KIF6: variants seen among roughly 807,000 people sequenced by gnomAD.
The protein encoded by KIF6 is kinesin-like protein KIF6.
Under a neutral mutation model 112.7 loss-of-function variants are expected in KIF6, and 106 were observed. The ratio of observed to expected loss-of-function variants is 0.94; its 90% confidence interval spans 0.80 to 1.11. The LOEUF is 1.11. KIF6 is among the 50% of genes least tolerant of loss of function. KIF6 has a pLI of 0.00. For missense variants in KIF6, 929 were observed against 964.0 expected, an observed-to-expected ratio of 0.96 and a Z score of 0.48; for synonymous variants, 339 against 339.9, an observed-to-expected ratio of 1.00 and a Z score of 0.03.
intron 6 of KIF6, among the ~76,000 whole-genome samples, chr6:39,599,709 AT>A (rs1782473934): frequency 6.6e-6 from 1 of 152,336 alleles, no homozygotes; most frequent in Admixed American, 6.5e-5. Flanking sequence ...TCGCACAACA[AT>A]AAATCCTACA....
intron 13 of KIF6, among the ~76,000 whole-genome samples, chr6:39,513,282 C>A (rs958375477): frequency 6.6e-6 from 1 of 152,152 alleles, no homozygotes; most frequent in African/African-American, 2.4e-5. Flanking sequence ...TCCTTTTCCT[C>A]CTCCCTAGTG....
chr6:39,494,082 T>C (rs1033260514), intron 13 of KIF6, among the ~76,000 whole-genome samples: 1 of 152,380 alleles, frequency 6.6e-6, no homozygotes. Flanking sequence ...CTTTAGGGAA[T>C]GCAAGTGTGG....
intron 3 of KIF6, among the ~76,000 whole-genome samples, chr6:39,712,078 A>G (rs1418619738): frequency 1.3e-5 from 2 of 152,174 alleles, no homozygotes; most frequent in African/African-American, 4.8e-5. Flanking sequence ...TAGGGAGTAT[A>G]ATAAAGAGGA....
intron 6 of KIF6, among the ~76,000 whole-genome samples, chr6:39,609,295 C>T (rs920974417): frequency 6.6e-6 from 1 of 152,158 alleles, no homozygotes; most frequent in Non-Finnish European, 1.5e-5. Flanking sequence ...CCCGGACTTT[C>T]CCAAAGTCGG....
At chr6:39,401,305 A>G (rs1447074117) in intron 15 of KIF6, among the ~76,000 whole-genome samples, 1 of 152,218 alleles carries the variant, frequency 6.6e-6, no homozygotes, top group African/African-American at 2.4e-5. Flanking sequence ...CATCTGAGTT[A>G]TCTCAGAGGT....
intron 13 of KIF6, among the ~76,000 whole-genome samples, chr6:39,478,811 G>C (rs1487453349): frequency 6.7e-6 from 1 of 150,374 alleles, no homozygotes; most frequent in Non-Finnish European, 1.5e-5. Context: ...GGAGTGAGTT[G>C]GTATTGCATT....
chr6:39,343,712 G>A lies in KIF6; in HGVS notation c.2425C>T (p.Gln809Ter). 6.2e-7 allele frequency: 1 copy of A among 1,605,528 alleles called. No individual in the cohort carries two copies. Among genetic ancestry groups the A allele is most frequent in the Non-Finnish European group, 8.5e-7 (1 of 1,176,006 alleles). The change falls in exon 22 of 23, where the codon CAA becomes TAA. Residue 809 changes from glutamine to a stop codon, truncating the protein, a stop_gained. Coordinates refer to ENST00000287152, the MANE Select transcript of KIF6 (RefSeq NM_145027.6). LOFTEE classifies it high-confidence loss of function. This position sits in a 1 kb window ranked among gnomAD's most constrained non-coding sequence, Gnocchi z 4.1. ...IKARQSILQKQCLGSN is the reference protein window; with the variant it reads ...IKARQSILQK ...CCACCGAGGGAGGTGCACTTACATT[G>A]CTTCTGCAGAATGCTCTGTCTGGCC...
intron 6 of KIF6, among the ~76,000 whole-genome samples, chr6:39,597,682 T>C (rs1782347616): frequency 6.6e-6 from 1 of 152,154 alleles, no homozygotes. Flanking sequence ...CCATAAAACA[T>C]GGAAGCATAT....
intron 19 of KIF6, among the ~76,000 whole-genome samples, chr6:39,354,454 T>C (rs1187495372): frequency 2.0e-5 from 3 of 152,194 alleles, no homozygotes; most frequent in Non-Finnish European, 4.4e-5. Flanking sequence ...TCATCCCATA[T>C]GCAAAGACAC....
chr6:39,626,925 G>A (rs1784124270), intron 5 of KIF6, among the ~76,000 whole-genome samples: 1 of 152,092 alleles, frequency 6.6e-6, no homozygotes, highest in East Asian at 1.9e-4. Context: ...TGCCACCTAA[G>A]TAGTCCTAGT....
At chr6:39,667,150 A>G (rs1034556071) in intron 3 of KIF6, among the ~76,000 whole-genome samples, 2 of 152,190 alleles carry the variant, frequency 1.3e-5, no homozygotes, top group African/African-American at 4.8e-5. Flanking sequence ...ATTTACATAG[A>G]CAAATGAGAG....
At chr6:39,488,734 C>T (rs116811172) in intron 13 of KIF6, among the ~76,000 whole-genome samples, 3,956 of 152,294 alleles carry the variant, frequency 0.026, 177 homozygotes, top group African/African-American at 0.089. Flanking sequence ...GAGACACTGT[C>T]CTGACCAGCC....
chr6:39,502,581 T>C (rs1160892929), intron 13 of KIF6, among the ~76,000 whole-genome samples: 2 of 152,224 alleles, frequency 1.3e-5, no homozygotes, highest in Admixed American at 1.3e-4. Flanking sequence ...CCCATTGTTA[T>C]GCTGTCTTCA....
At chr6:39,523,276 G>A (rs923396130) in intron 13 of KIF6, among the ~76,000 whole-genome samples, 1 of 152,028 alleles carries the variant, frequency 6.6e-6, no homozygotes, top group Non-Finnish European at 1.5e-5. Flanking sequence ...CTTGACTGCT[G>A]TTACAACGTC....
At chr6:39,508,408 G>A (rs112903505) in intron 13 of KIF6, among the ~76,000 whole-genome samples, 4,003 of 152,256 alleles carry the variant, frequency 0.026, 92 homozygotes, top group Non-Finnish European at 0.037. Flanking sequence ...AGGGCAGGGC[G>A]TCGCCTCACC....
chr6:39,486,671 G>C (rs1262474103), intron 13 of KIF6, among the ~76,000 whole-genome samples: 1 of 152,176 alleles, frequency 6.6e-6, no homozygotes, highest in Non-Finnish European at 1.5e-5. Context: ...ACATACTAAA[G>C]AAACCCTGAA....
intron 3 of KIF6, among the ~76,000 whole-genome samples, chr6:39,709,268 A>G (rs144044238): frequency 8.2e-4 from 125 of 152,334 alleles, no homozygotes; most frequent in African/African-American, 2.8e-3. Context: ...TTTGTGGAAG[A>G]CAATTTTTCC....
chr6:39,725,066 A>C (rs1405521005), intron 1 of KIF6, among the ~76,000 whole-genome samples, 179 bp downstream of exon 1: 1 of 152,160 alleles, frequency 6.6e-6, no homozygotes, highest in Non-Finnish European at 1.5e-5. Context: ...CGTAGCTGAC[A>C]GCAGTGCGCG....
At chr6:39,599,802 C>A (rs78170139) in intron 6 of KIF6, among the ~76,000 whole-genome samples, 2,954 of 152,226 alleles carry the variant, frequency 0.019, 89 homozygotes, top group African/African-American at 0.067. Context: ...AGCTTCGAAA[C>A]TGATATTCTG....
Sources: allele counts gnomAD v4.1 joint callset (sites outside exome capture counted in the v4.1 genomes callset), GRCh38; gene constraint gnomAD v4.1.1; non-coding constraint Gnocchi (gnomAD v3.1); transcripts MANE v1.5; gene names NCBI Gene and HGNC (gene_info 2026-07-23, HGNC 2026-07-21).